HPCAL1: variants seen among roughly 807,000 people sequenced by gnomAD.
The protein encoded by HPCAL1 is hippocalcin-like protein 1.
In HPCAL1, 8 loss-of-function variants were observed where a neutral mutation model predicts 17.1. The ratio of observed to expected loss-of-function variants is 0.47; its 90% CI spans 0.27 to 0.84. The LOEUF (loss-of-function observed/expected upper bound fraction) is 0.84. HPCAL1 is among the 40% of genes least tolerant of loss of function. The pLI is 0.13. For synonymous variants in HPCAL1, 112 were observed against 111.4 expected (o/e 1.01, Z -0.03); for missense variants, 165 against 271.1 (o/e 0.61, Z 2.75).
intron 1 of HPCAL1, among the ~76,000 whole-genome samples, chr2:10,306,837 A>G (rs895775000): frequency 6.6e-6 from 1 of 152,206 alleles, no homozygotes; most frequent in African/African-American, 2.4e-5. Context: ...ATTGAATTTC[A>G]GAGGCAAAGC....
intron 1 of HPCAL1, among the ~76,000 whole-genome samples, chr2:10,356,453 C>T (rs1465145711): frequency 6.6e-6 from 1 of 152,082 alleles, no homozygotes; most frequent in Admixed American, 6.6e-5. Context: ...TGTGCCAGGA[C>T]GGTGGGACTC....
chr2:10,374,526 C>T (rs1558496901), intron 1 of HPCAL1, among the ~76,000 whole-genome samples: 1 of 152,212 alleles, frequency 6.6e-6, no homozygotes, highest in Admixed American at 6.5e-5. Flanking sequence ...AGGGAGCTGA[C>T]GGTCCAGCAG....
intron 1 of HPCAL1, among the ~76,000 whole-genome samples, chr2:10,372,430 C>A (rs1402138923): frequency 6.6e-6 from 1 of 152,162 alleles, no homozygotes; most frequent in Non-Finnish European, 1.5e-5. Flanking sequence ...GGCATAATCC[C>A]CCCCCAGGAG....
intron 1 of HPCAL1, among the ~76,000 whole-genome samples, chr2:10,327,137 G>A (rs1664067251): frequency 6.6e-6 from 1 of 152,184 alleles, no homozygotes; most frequent in Admixed American, 6.5e-5. Flanking sequence ...TGAGCCTGTG[G>A]GGAGGTCTCT....
intron 2 of HPCAL1, among the ~76,000 whole-genome samples, chr2:10,399,554 CACT>C (rs1394095005): frequency 2.5e-5 from 3 of 118,620 alleles, no homozygotes; most frequent in African/African-American, 8.0e-5. Context: ...TCACCGCCAC[CACT>C]ACCGCCACCG....
At position 10,329,115 on chromosome 2, in the gene HPCAL1, C is replaced by T. The variant is rs749461283; in HGVS notation, c.-111+25938C>T. Among the ~76,000 whole-genome samples the T allele has an allele frequency of 5.3e-5, 8 of 152,240 alleles. No homozygotes were observed. The East Asian group carries it at 1.2e-3, about 22-fold the overall frequency. ...AAGTGCTAGGATTACAGATGTGAGC[C>T]GCCACTGTTGGTCTCTAGGGGTTCT... On this transcript the variant is annotated intron_variant, in intron 1 of 4. Transcript: ENST00000307845.
intron 1 of HPCAL1, among the ~76,000 whole-genome samples, chr2:10,385,089 C>A (rs1218503589): frequency 1.6e-5 from 2 of 122,648 alleles, no homozygotes; most frequent in Non-Finnish European, 3.6e-5. Context: ...TAGAGCAAGA[C>A]TCCGTCTCAA....
At chr2:10,418,854 A>G (rs1380996571) in intron 2 of HPCAL1, among the ~76,000 whole-genome samples, 4 of 152,004 alleles carry the variant, frequency 2.6e-5, no homozygotes, top group Non-Finnish European at 5.9e-5. Context: ...TCAGAACATC[A>G]TTTACTGCCT....
intron 1 of HPCAL1, among the ~76,000 whole-genome samples, chr2:10,308,399 C>T (rs1017438994): frequency 1.3e-5 from 2 of 152,138 alleles, no homozygotes; most frequent in African/African-American, 2.4e-5. Context: ...CCAGAAAGAT[C>T]CCTCTTTTGT....
intron 1 of HPCAL1, among the ~76,000 whole-genome samples, chr2:10,382,271 C>G (rs774910116): frequency 6.6e-6 from 1 of 152,074 alleles, no homozygotes; most frequent in Non-Finnish European, 1.5e-5. Flanking sequence ...GTGGTTCCTA[C>G]GGGTTAGGAG....
intron 1 of HPCAL1, among the ~76,000 whole-genome samples, chr2:10,356,023 GT>G (rs1324153269): frequency 6.6e-6 from 1 of 152,194 alleles, no homozygotes; most frequent in African/African-American, 2.4e-5. Flanking sequence ...CACAGAGCAG[GT>G]GGGATGGTAT....
intron 1 of HPCAL1, among the ~76,000 whole-genome samples, chr2:10,329,458 C>G (rs892660819): frequency 4.6e-5 from 7 of 152,164 alleles, no homozygotes; most frequent in African/African-American, 1.7e-4. Context: ...TGAAACACTG[C>G]TGGCTCTGCT....
chr2:10,419,747 C>G lies in HPCAL1; in HGVS notation c.-11C>G. 1.2e-6 allele frequency: 2 copies of G among 1,602,548 alleles called. No homozygotes were observed. Among genetic ancestry groups the G allele is most frequent in the Non-Finnish European group, 1.7e-6 (2 of 1,173,530 alleles). On this transcript the variant is annotated 5_prime_UTR_variant, in exon 3 of 5. Transcript: ENST00000307845. This position sits in a 1 kb window ranked among gnomAD's most constrained non-coding sequence, Gnocchi z 5.0. ...CCTGTCTTGCAGGTGTAGTCGCCGC[C>G]GCCAGCCGCCATGGGCAAACAGAAC...
At chr2:10,402,221 G>C (rs1045912377) in intron 2 of HPCAL1, among the ~76,000 whole-genome samples, 1 of 152,170 alleles carries the variant, frequency 6.6e-6, no homozygotes, top group African/African-American at 2.4e-5. Flanking sequence ...CTTGGTAGGA[G>C]AAGGAAAGAA....
intron 2 of HPCAL1, among the ~76,000 whole-genome samples, chr2:10,398,548 T>C (rs990448380): frequency 3.3e-5 from 5 of 152,068 alleles, no homozygotes; most frequent in Non-Finnish European, 7.4e-5. Context: ...GTGGCCCTGG[T>C]AGATGTGAGT....
chr2:10,349,652 G>A (rs1043379467), intron 1 of HPCAL1, among the ~76,000 whole-genome samples: 2 of 119,512 alleles, frequency 1.7e-5, no homozygotes, highest in Admixed American at 1.1e-4. Context: ...GCAGTGATCC[G>A]AGATCATGCC....
intron 1 of HPCAL1, among the ~76,000 whole-genome samples, chr2:10,360,652 A>T (rs1666463551): frequency 1.3e-5 from 2 of 152,286 alleles, no homozygotes; most frequent in South Asian, 4.1e-4. Context: ...ACCTCGGGTG[A>T]TCCGCCCACC....
rs1020293144 is a variant in HPCAL1, at chr2:10,344,966, T to C, written c.-111+41789T>C. ...CTTTCTGCCTCTCTCTATGTGTCCA[T>C]CTCTCTCTCTTTTTCTGTGTGTCTC... On this transcript the variant is annotated intron_variant, in intron 1 of 4. Transcript: ENST00000307845. The surrounding 1 kb of genome is among the most constrained non-coding windows in gnomAD (Gnocchi z 4.9). Among the ~76,000 whole-genome samples the C allele has an allele frequency of 2.0e-5, 3 of 151,748 alleles. No individual in the cohort carries two copies. The highest frequency in any genetic ancestry group is 7.3e-5 in the African/African-American group (3 of 41,266).
chr2:10,374,584 C>A (rs1400281905), intron 1 of HPCAL1, among the ~76,000 whole-genome samples: 3 of 152,214 alleles, frequency 2.0e-5, no homozygotes, highest in Non-Finnish European at 4.4e-5. Context: ...GCAAGAGGTG[C>A]GGTGGAACCA....
Sources: allele counts gnomAD v4.1 joint callset (sites outside exome capture counted in the v4.1 genomes callset), GRCh38; gene constraint gnomAD v4.1.1; non-coding constraint Gnocchi (gnomAD v3.1); transcripts MANE v1.5; gene names NCBI Gene and HGNC (gene_info 2026-07-23, HGNC 2026-07-21).